The following PRKN variants were observed in gnomAD, a reference collection of about 807,000 sequenced individuals.
PRKN encodes the protein parkin RBR E3 ubiquitin protein ligase, also known as E3 ubiquitin-protein ligase parkin.
In PRKN, 56 loss-of-function variants were observed where a neutral mutation model predicts 59.5. The observed-to-expected ratio is 0.94, with a 90% confidence interval of 0.76 to 1.18. The LOEUF is 1.18. PRKN is among the 50% of genes most tolerant of loss of function. The pLI, the probability that PRKN is intolerant of heterozygous loss-of-function variation, is 0.00. For missense variants in PRKN, 657 were observed against 596.4 expected (o/e 1.10, Z -1.06); for synonymous variants, 250 against 222.1 (o/e 1.13, Z -1.12).
intron 5 of PRKN, among the ~76,000 whole-genome samples, chr6:162,035,921 T>C (rs1783819586): frequency 6.6e-6 from 1 of 152,216 alleles, no homozygotes; most frequent in African/African-American, 2.4e-5. Context: ...ATGAATCAAA[T>C]ATTTAAATGT....
chr6:161,891,176 A>G (rs973154469), intron 6 of PRKN, among the ~76,000 whole-genome samples: 6 of 152,114 alleles, frequency 3.9e-5, no homozygotes, highest in African/African-American at 1.4e-4. Context: ...GCACGGGGAG[A>G]GGGTGTTCCG....
chr6:162,467,999 A>G (rs1271182947), intron 1 of PRKN, among the ~76,000 whole-genome samples: 3 of 152,234 alleles, frequency 2.0e-5, no homozygotes, highest in East Asian at 3.9e-4. Context: ...TCTTCCTGTG[A>G]CCACCCTAAT....
chr6:161,482,224 A>G (rs1261573257), intron 9 of PRKN, among the ~76,000 whole-genome samples: 2 of 152,254 alleles, frequency 1.3e-5, no homozygotes, highest in Admixed American at 6.5e-5. Context: ...AACAAATGAT[A>G]CATTTAAAGT....
At chr6:161,465,518 T>A in intron 9 of PRKN, among the ~76,000 whole-genome samples, 1 of 151,998 alleles carries the variant, frequency 6.6e-6, no homozygotes, top group East Asian at 1.9e-4. Flanking sequence ...TTTAGTATAC[T>A]TTTTTCTTTC....
rs112914440 is a variant in PRKN, at chr6:161,814,439, C to T, written c.735-28531G>A. Among the ~76,000 whole-genome samples, 56 of 152,198 alleles carry T rather than the reference C, an allele frequency of 3.7e-4. No homozygotes were observed. In the Middle Eastern group the frequency reaches 0.01, roughly 28 times the overall value. On this transcript the variant is annotated intron_variant, in intron 6 of 11. Transcript: ENST00000366898. ...GAGGCCTCACAATTATAGCAGAAGG[C>T]GAAAGAGGAGCAAAAGCATGTCTTA...
intron 1 of PRKN, among the ~76,000 whole-genome samples, chr6:162,478,920 T>C (rs1201530766): frequency 1.3e-5 from 2 of 152,124 alleles, no homozygotes; most frequent in Non-Finnish European, 2.9e-5. Context: ...TTGCTCTGGG[T>C]GATCAGGGAG....
intron 4 of PRKN, 64 bp from the exon 5 acceptor site, chr6:162,054,238 T>C: frequency 4.2e-6 from 4 of 954,292 alleles, no homozygotes; most frequent in Non-Finnish European, 5.1e-6. Flanking sequence ...CCTTAAGACA[T>C]GTTTCCACTT....
intron 2 of PRKN, among the ~76,000 whole-genome samples, chr6:162,271,025 T>G (rs1379361537): frequency 1.4e-5 from 2 of 147,762 alleles, no homozygotes; most frequent in South Asian, 2.2e-4. Context: ...AGTTTTTTTT[T>G]TTTTTTTTTT....
At chr6:161,927,479 A>C (rs111292552) in intron 6 of PRKN, among the ~76,000 whole-genome samples, 1 of 152,184 alleles carries the variant, frequency 6.6e-6, no homozygotes, top group African/African-American at 2.4e-5. Flanking sequence ...CATGTTAACA[A>C]AAAGCAAAGA....
chr6:161,514,954 G>A (rs1173912375), intron 9 of PRKN, among the ~76,000 whole-genome samples: 1 of 152,164 alleles, frequency 6.6e-6, no homozygotes, highest in Non-Finnish European at 1.5e-5. Flanking sequence ...ACTGAACTTT[G>A]AGGTGGCAGT....
intron 7 of PRKN, among the ~76,000 whole-genome samples, chr6:161,574,770 C>A (rs1468790257): frequency 6.6e-5 from 10 of 152,150 alleles, no homozygotes; most frequent in Admixed American, 6.5e-4. Flanking sequence ...CATCATTTTT[C>A]TTAAGCACAA....
intron 4 of PRKN, among the ~76,000 whole-genome samples, chr6:162,111,413 C>T (rs1041630720): frequency 3.9e-5 from 6 of 151,958 alleles, no homozygotes; most frequent in Non-Finnish European, 7.4e-5. Context: ...TGCAGTGAGC[C>T]GAGACTGCAC....
chr6:161,709,519 C>A (rs898759847), intron 7 of PRKN, among the ~76,000 whole-genome samples: 2 of 152,152 alleles, frequency 1.3e-5, no homozygotes, highest in African/African-American at 4.8e-5. Flanking sequence ...AATTTAACCT[C>A]TAGGAGTACA....
At chr6:161,788,999 GCACATA>G (rs1365965334) in intron 6 of PRKN, among the ~76,000 whole-genome samples, 1 of 152,010 alleles carries the variant, frequency 6.6e-6, no homozygotes, top group Non-Finnish European at 1.5e-5. Flanking sequence ...ACACACACAC[GCACATA>G]CACAGATAAT....
At position 162,218,254 on chromosome 6, in the gene PRKN, G is replaced by C. The variant is rs1222205739; in HGVS notation, c.413-17002C>G. ...GGGAAGGACACTGGGCAGCAGGAATGATGGTGGTGGCTCAGCAGGGGTGGA... is the reference window on the plus strand; with the variant it reads ...GGGAAGGACACTGGGCAGCAGGAATCATGGTGGTGGCTCAGCAGGGGTGGA... On this transcript the variant is annotated intron_variant, in intron 3 of 11. Coordinates refer to ENST00000366898, the MANE Select transcript of PRKN (RefSeq NM_004562.3). Among the ~76,000 whole-genome samples the C allele has an allele frequency of 2.0e-5, 3 of 152,220 alleles. No homozygotes were observed. In the East Asian group the frequency reaches 5.8e-4, roughly 29 times the overall value.
rs755357807 is a variant in PRKN, at chr6:162,056,587, T to C, written c.535-2413A>G. Among the ~76,000 whole-genome samples, 2 of 152,166 alleles carry C rather than the reference T, an allele frequency of 1.3e-5. No individual in the cohort carries two copies. Among genetic ancestry groups the C allele is most frequent in the Admixed American group, 6.6e-5 (1 of 15,262 alleles). On this transcript the variant is annotated intron_variant, in intron 4 of 11. Transcript: ENST00000366898. The surrounding 1 kb of genome is among the most constrained non-coding windows in gnomAD (Gnocchi z 4.9). The stretch of plus-strand genomic sequence containing the variant: ...ATTTGCAGAAGAGTTCTAGCAGGAC[T>C]GAAGCTGCGATGGTTTGAAAAGCCT...
chr6:161,799,979 G>T (rs751783391), intron 6 of PRKN, among the ~76,000 whole-genome samples: 1 of 152,218 alleles, frequency 6.6e-6, no homozygotes, highest in Non-Finnish European at 1.5e-5. Context: ...GCAAGATGAG[G>T]TCTGAGGAGA....
At chr6:161,500,943 T>G (rs1245723928) in intron 9 of PRKN, among the ~76,000 whole-genome samples, 1 of 147,550 alleles carries the variant, frequency 6.8e-6, no homozygotes, top group Admixed American at 6.8e-5. Flanking sequence ...TGGCGCAATC[T>G]TGGCTCACTG....
chr6:161,471,963 T>TA lies in PRKN; in HGVS notation c.1083+76890dup, dbSNP rs539503446. Among the ~76,000 whole-genome samples, 5 of 150,724 alleles carry TA rather than the reference T, an allele frequency of 3.3e-5. No individual in the cohort carries two copies. The highest frequency in any genetic ancestry group is 6.6e-5 in the Admixed American group (1 of 15,120). Reference sequence around the variant, plus strand: ...TTTCAATACCAACTTTGGGAGACATTAAAAAAAAATACTGAAGCCTATGAA... The same window carrying TA: ...TTTCAATACCAACTTTGGGAGACATTAAAAAAAAAATACTGAAGCCTATGAA... On this transcript the variant is annotated intron_variant, in intron 9 of 11. Transcript: ENST00000366898. The surrounding 1 kb of genome is among the most constrained non-coding windows in gnomAD (Gnocchi z 4.5).
Sources: allele counts gnomAD v4.1 joint callset (sites outside exome capture counted in the v4.1 genomes callset), GRCh38; gene constraint gnomAD v4.1.1; non-coding constraint Gnocchi (gnomAD v3.1); transcripts MANE v1.5; gene names NCBI Gene and HGNC (gene_info 2026-07-23, HGNC 2026-07-21).